TRPS1: variants seen among roughly 807,000 people sequenced by gnomAD.
TRPS1 encodes the protein zinc finger transcription factor Trps1.
In TRPS1, 6 loss-of-function variants were observed where a neutral mutation model predicts 101.2. The observed-to-expected ratio is 0.06, with a 90% CI of 0.03 to 0.12. TRPS1 has a LOEUF of 0.12. Among genes scored for constraint, TRPS1 ranks in the 10% least tolerant of loss-of-function variants. TRPS1 has a pLI of 1.00. For synonymous variants in TRPS1, 578 were observed against 589.8 expected (o/e 0.98, Z 0.29); for missense variants, 1,363 against 1,567.0 (o/e 0.87, Z 2.20).
chr8:115,492,343 A>T (rs1815044448), intron 5 of TRPS1: 10 of 443,226 alleles, frequency 2.3e-5, no homozygotes, highest in Admixed American at 9.7e-5. Context: ...ATAATTTTGC[A>T]GGAACAGACA....
At chr8:115,579,978 CCA>C (rs1403290460) in intron 5 of TRPS1, among the ~76,000 whole-genome samples, 1 of 152,000 alleles carries the variant, frequency 6.6e-6, no homozygotes, top group Non-Finnish European at 1.5e-5. Context: ...AAGCTGTGTT[CCA>C]GACTTCCTTG....
At chr8:115,491,802 C>G (rs574669612) in intron 5 of TRPS1, among the ~76,000 whole-genome samples, 1 of 152,138 alleles carries the variant, frequency 6.6e-6, no homozygotes, top group Non-Finnish European at 1.5e-5. Flanking sequence ...GGAATCATTA[C>G]ACAATGATAA....
intron 1 of TRPS1, among the ~76,000 whole-genome samples, chr8:115,642,242 C>A (rs372944995): frequency 0.79 from 117,361 of 148,388 alleles, 49,833 homozygotes; most frequent in Non-Finnish European, 0.94. Flanking sequence ...GAAAAGAAAC[C>A]TGTGTGTATA....
In TRPS1 at chr8:115,619,615, C is replaced by T. The variant is rs1032938058; in HGVS notation, c.483G>A (p.Leu161=). Residue 161 remains leucine, a synonymous_variant, in exon 3 of 7, where the codon CTG becomes CTA. Transcript: ENST00000395715. The part of the protein sequence containing the change: ...DMACTPSGDS[L]ETKEDQKMSP... ...ACATCTTCTGATCTTCCTTTGTCTC[C>T]AGTGAGTCCCCTGAGGGGGTGCAGG... 9 of 1,614,202 alleles carry T rather than the reference C, an allele frequency of 5.6e-6. No individual in the cohort carries two copies. Among genetic ancestry groups the T allele is most frequent in the Non-Finnish European group, 7.6e-6 (9 of 1,180,046 alleles).
Position 115,617,783 on chromosome 8 carries a change from T to C in TRPS1, c.966+1349A>G, listed in dbSNP as rs1032352145. On this transcript the variant is annotated intron_variant, in intron 3 of 6. Transcript: ENST00000395715. ...TTAATAGACAGCAGTTCAAAGCATG[T>C]AGCTTTCATGCATAATAACTATGTT... 6.0e-4 allele frequency among the ~76,000 whole-genome samples: 92 copies of C among 152,180 alleles called. 1 individual carries two copies. Among genetic ancestry groups the C allele is most frequent in the African/African-American group, 2.1e-3 (88 of 41,440 alleles).
At chr8:115,447,398 T>C (rs1230497511) in intron 5 of TRPS1, among the ~76,000 whole-genome samples, 1 of 152,198 alleles carries the variant, frequency 6.6e-6, no homozygotes, top group Non-Finnish European at 1.5e-5. Context: ...TTTGATTTTT[T>C]CTTTAATCCT....
intron 5 of TRPS1, among the ~76,000 whole-genome samples, chr8:115,554,504 A>G (rs558439876): frequency 6.6e-6 from 1 of 152,312 alleles, no homozygotes; most frequent in African/African-American, 2.4e-5. Context: ...AAAATGATTG[A>G]TTCAGGGTGA....
At chr8:115,508,616 A>T (rs1347303759) in intron 5 of TRPS1, among the ~76,000 whole-genome samples, 1 of 151,928 alleles carries the variant, frequency 6.6e-6, no homozygotes, top group Non-Finnish European at 1.5e-5. Context: ...AGTTCTGTTC[A>T]GTTCTGCTTG....
At chr8:115,483,452 T>C (rs1814803991) in intron 5 of TRPS1, among the ~76,000 whole-genome samples, 1 of 150,990 alleles carries the variant, frequency 6.6e-6, no homozygotes, top group Non-Finnish European at 1.5e-5. Context: ...GAGGATCACC[T>C]GAGCCTGGAG....
At chr8:115,648,635 T>G (rs1467903761) in intron 1 of TRPS1, among the ~76,000 whole-genome samples, 1 of 152,144 alleles carries the variant, frequency 6.6e-6, no homozygotes, top group Non-Finnish European at 1.5e-5. Context: ...TTCTGATTCT[T>G]TTTTCTTCTT....
At position 115,579,948 on chromosome 8, in the gene TRPS1, C is replaced by T. The variant is rs558984044; in HGVS notation, c.2700+7053G>A. On this transcript the variant is annotated intron_variant, in intron 5 of 6. Transcript: ENST00000395715. The stretch of plus-strand genomic sequence containing the variant: ...AAACAAAACTAAGATTCCTTTGCTT[C>T]ACTCCTAACCACTGATATAAAGCTG... Among the ~76,000 whole-genome samples the T allele has an allele frequency of 2.6e-5, 4 of 152,150 alleles. No homozygotes were observed. In the South Asian group the frequency reaches 8.3e-4, roughly 32 times the overall value.
chr8:115,469,305 CT>C (rs1314297755), intron 5 of TRPS1, among the ~76,000 whole-genome samples: 2 of 152,206 alleles, frequency 1.3e-5, no homozygotes, highest in South Asian at 4.1e-4. Context: ...TGAACAGATA[CT>C]GTGCAAGTTA....
intron 5 of TRPS1, among the ~76,000 whole-genome samples, chr8:115,526,766 T>C (rs1039801183): frequency 6.6e-6 from 1 of 152,208 alleles, no homozygotes; most frequent in Non-Finnish European, 1.5e-5. Flanking sequence ...CCAGACTATT[T>C]GTTTCTACTA....
chr8:115,417,702 A>C, intron 6 of TRPS1, among the ~76,000 whole-genome samples: 1 of 152,176 alleles, frequency 6.6e-6, no homozygotes, highest in Non-Finnish European at 1.5e-5. Context: ...GAGATCTTAA[A>C]AGACAAAGTA....
intron 4 of TRPS1, among the ~76,000 whole-genome samples, chr8:115,590,582 G>A (rs1475735102): frequency 6.6e-6 from 1 of 152,132 alleles, no homozygotes; most frequent in African/African-American, 2.4e-5. Flanking sequence ...GGACCACAAA[G>A]CAAAATTATT....
rs555333746 is a variant in TRPS1, at chr8:115,565,192, G to A, written c.2700+21809C>T. 1.2e-4 allele frequency among the ~76,000 whole-genome samples: 18 copies of A among 152,220 alleles called. No homozygotes were observed. The South Asian group carries it at 2.5e-3, about 21-fold the overall frequency. On this transcript the variant is annotated intron_variant, in intron 5 of 6. Transcript: ENST00000395715. Reference sequence around the variant, plus strand: ...GCAGTTAAATGACACATAACGATGTGGACTGTTTGCTGAAAGTAGTGCTGA... The same window carrying A: ...GCAGTTAAATGACACATAACGATGTAGACTGTTTGCTGAAAGTAGTGCTGA...
chr8:115,647,914 A>G (rs1308129594), intron 1 of TRPS1, among the ~76,000 whole-genome samples: 1 of 152,110 alleles, frequency 6.6e-6, no homozygotes, highest in Non-Finnish European at 1.5e-5. Flanking sequence ...TGACAAAAAA[A>G]AAAGCATGAC....
At chr8:115,535,417 T>C (rs946108337) in intron 5 of TRPS1, among the ~76,000 whole-genome samples, 1 of 134,052 alleles carries the variant, frequency 7.5e-6, no homozygotes, top group Admixed American at 7.1e-5. Flanking sequence ...GCATATATAG[T>C]GCATATATAT....
In TRPS1 at chr8:115,418,463, G is replaced by A. The variant is rs1457815378; in HGVS notation, c.2701-11C>T. 1.2e-6 allele frequency: 2 copies of A among 1,613,834 alleles called. No individual in the cohort carries two copies. The highest frequency in any genetic ancestry group is 1.7e-6 in the Non-Finnish European group (2 of 1,179,936). ...GGAGCCTCTACGCCTCTGAAACAGGGGAAAAAAACCAAGGTCAGAGGTGAG... is the reference window on the plus strand; with the variant it reads ...GGAGCCTCTACGCCTCTGAAACAGGAGAAAAAAACCAAGGTCAGAGGTGAG... On this transcript the variant is annotated splice_polypyrimidine_tract_variant and intron_variant, in intron 5 of 6. Transcript: ENST00000395715. The surrounding 1 kb of genome is among the most constrained non-coding windows in gnomAD (Gnocchi z 4.3).
Sources: gnomAD v4.1 joint callset for allele counts (sites outside exome capture counted in the v4.1 genomes callset) on GRCh38, gnomAD v4.1.1 for gene constraint, Gnocchi (gnomAD v3.1) non-coding constraint, MANE v1.5 for transcripts, NCBI Gene and HGNC (gene_info 2026-07-23, HGNC 2026-07-21) for gene names.